Variants in TUBA1A observed in about 807,000 individuals in gnomAD.
TUBA1A encodes tubulin alpha 1a.
TUBA1A carries 7 observed loss-of-function variants against 34.6 expected under a neutral mutation model. The observed-to-expected ratio is 0.20, with a 90% CI of 0.11 to 0.38. The LOEUF (loss-of-function observed/expected upper bound fraction) is 0.38. Among genes scored for constraint, TUBA1A ranks in the 10% least tolerant of loss-of-function variants. The probability of loss-of-function intolerance (pLI) is 1.00; values close to 1 mark genes in which losing one functional copy is unlikely to be tolerated. For synonymous variants in TUBA1A, 193 were observed against 210.2 expected (o/e 0.92, Z 0.71); for missense variants, 19 against 581.3 (o/e 0.03, Z 9.95).
Position 49,188,219 on chromosome 12 carries a change from G to A in TUBA1A, c.3+758C>T, listed in dbSNP as rs1942206691. The A allele has an allele frequency of 1.0e-6, 1 of 985,088 alleles. No individual in the cohort carries two copies. The allele number at this position is 985,088 out of a possible 1,614,324, so 61.0% of individuals were successfully genotyped here. A position where few individuals can be genotyped will look rare whatever the true frequency, so the allele number is the denominator to read the frequency against. ...AAAAAGTCATCTAACTTATAATAGT[G>A]AAGAAAACCCTTTTGGAGCCTACAG... On this transcript the variant is annotated intron_variant, in intron 1 of 3. Coordinates refer to ENST00000301071, the MANE Select transcript of TUBA1A (RefSeq NM_006009.4). This position sits in a 1 kb window ranked among gnomAD's most constrained non-coding sequence, Gnocchi z 4.9.
chr12:49,187,753 T>C, intron 1 of TUBA1A: 1 of 983,650 alleles, frequency 1.0e-6, no homozygotes, highest in Non-Finnish European at 1.2e-6. Flanking sequence ...GGAAGGATAA[T>C]GAAATATTTA....
chr12:49,187,551 C>T, intron 1 of TUBA1A: 1 of 985,106 alleles, frequency 1.0e-6, no homozygotes, highest in Non-Finnish European at 1.2e-6. Flanking sequence ...CAAAAGACAA[C>T]GGGATGCGGA....
Position 49,188,682 on chromosome 12 carries a change from C to G in TUBA1A, c.3+295G>C, listed in dbSNP as rs1942214219. 2.1e-6 allele frequency: 3 copies of G among 1,437,450 alleles called. No homozygotes were observed. The highest frequency in any genetic ancestry group is 2.7e-6 in the Non-Finnish European group (3 of 1,102,848). 89.0% of individuals were successfully genotyped at this position (1,437,450 alleles called of 1,614,324 possible). On this transcript the variant is annotated intron_variant, in intron 1 of 3. Transcript: ENST00000301071. This position sits in a 1 kb window ranked among gnomAD's most constrained non-coding sequence, Gnocchi z 4.9. ...GACGCCCCAGACCCCTCGGTCGCGG[C>G]AGACGGGCTGCCCGCGGCCCCCGAA...
Position 49,188,573 on chromosome 12 carries a change from C to T in TUBA1A, c.3+404G>A. 6.8e-7 allele frequency: 1 copy of T among 1,474,548 alleles called. No homozygotes were observed. 91.3% of individuals were successfully genotyped at this position (1,474,548 alleles called of 1,614,324 possible). On this transcript the variant is annotated intron_variant, in intron 1 of 3. Transcript: ENST00000301071. This position sits in a 1 kb window ranked among gnomAD's most constrained non-coding sequence, Gnocchi z 4.9. ...GCTCTTTTTGGGTGCCTCCTCCTCT[C>T]CCGGTCCCCAGAGAACAACGCGAGA...
chr12:49,186,004 G>A lies in TUBA1A; in HGVS notation c.376-14C>T. On this transcript the variant is annotated splice_polypyrimidine_tract_variant and intron_variant, in intron 3 of 3. Coordinates refer to ENST00000301071, the MANE Select transcript of TUBA1A (RefSeq NM_006009.4). This position sits in a 1 kb window ranked among gnomAD's most constrained non-coding sequence, Gnocchi z 6.6. Reference sequence around the variant, plus strand: ...GCACTGGTCGGCCTATAACAAAAGAGAGGAACAGAGGAAAGGTTAAGTTTT... The same window carrying A: ...GCACTGGTCGGCCTATAACAAAAGAAAGGAACAGAGGAAAGGTTAAGTTTT... 1 of 1,614,092 alleles carries A rather than the reference G, an allele frequency of 6.2e-7. No individual in the cohort carries two copies. Among genetic ancestry groups the A allele is most frequent in the Non-Finnish European group, 8.5e-7 (1 of 1,180,020 alleles).
intron 1 of TUBA1A, chr12:49,187,378 C>T: frequency 9.8e-7 from 1 of 1,024,474 alleles, no homozygotes; most frequent in Non-Finnish European, 1.2e-6. Context: ...TTTGCTGTGC[C>T]TGGTGCTAGC....
Position 49,188,130 on chromosome 12 carries a change from A to G in TUBA1A, c.3+847T>C. 1.3e-5 allele frequency: 13 copies of G among 983,660 alleles called. 1 individual carries two copies. The highest frequency in any genetic ancestry group is 1.6e-5 in the Non-Finnish European group (13 of 829,708). The allele number at this position is 983,660 out of a possible 1,614,324, so 60.9% of individuals were successfully genotyped here. On this transcript the variant is annotated intron_variant, in intron 1 of 3. Coordinates refer to ENST00000301071, the MANE Select transcript of TUBA1A (RefSeq NM_006009.4). This position sits in a 1 kb window ranked among gnomAD's most constrained non-coding sequence, Gnocchi z 4.9. ...CACACACACTTCAGTCGGTCAGGGCAGGGCGTCCCCAGACCAGACATTAAA... is the reference window on the plus strand; with the variant it reads ...CACACACACTTCAGTCGGTCAGGGCGGGGCGTCCCCAGACCAGACATTAAA...
Position 49,188,465 on chromosome 12 carries a change from G to A in TUBA1A, c.3+512C>T, listed in dbSNP as rs1165893739. 1.3e-6 allele frequency: 2 copies of A among 1,535,430 alleles called. No individual in the cohort carries two copies. The highest frequency in any genetic ancestry group is 2.5e-5 in the East Asian group (1 of 40,814). On this transcript the variant is annotated intron_variant, in intron 1 of 3. Coordinates refer to ENST00000301071, the MANE Select transcript of TUBA1A (RefSeq NM_006009.4). This position sits in a 1 kb window ranked among gnomAD's most constrained non-coding sequence, Gnocchi z 4.9. ...GTATCTTTCCAAAACGCCAAAGACC[G>A]CGGAGGGTCTTCCCACGCTAACCCT...
intron 1 of TUBA1A, chr12:49,187,179 T>C (rs1335836393): frequency 1.1e-5 from 13 of 1,172,804 alleles, no homozygotes; most frequent in Admixed American, 4.3e-5. Flanking sequence ...TTAATTGGGA[T>C]TAATTTTACT....
intron 1 of TUBA1A, chr12:49,187,081 C>A: frequency 7.2e-7 from 1 of 1,385,304 alleles, no homozygotes; most frequent in East Asian, 2.7e-5. Context: ...TGCCTACTAC[C>A]ATGCTTGAAT....
intron 1 of TUBA1A, chr12:49,187,580 TG>T (rs1211622160): frequency 4.1e-6 from 4 of 983,348 alleles, no homozygotes; most frequent in East Asian, 1.2e-4. Context: ...CTTCTTTGTC[TG>T]TAGCAATTTC....
At chr12:49,187,422 G>A (rs1942194426) in intron 1 of TUBA1A, 2 of 988,994 alleles carry the variant, frequency 2.0e-6, no homozygotes, top group South Asian at 9.2e-5. Context: ...AACAGAGCAA[G>A]CTCTATTTCC....
At chr12:49,187,070 G>C in intron 1 of TUBA1A, 1 of 1,414,320 alleles carries the variant, frequency 7.1e-7, no homozygotes, top group Non-Finnish European at 9.2e-7. Context: ...CCAGCCCATT[G>C]TGCCTACTAC....
chr12:49,188,137 C>T lies in TUBA1A; in HGVS notation c.3+840G>A. 1.0e-6 allele frequency: 1 copy of T among 983,966 alleles called. No individual in the cohort carries two copies. The highest frequency in any genetic ancestry group is 1.2e-6 in the Non-Finnish European group (1 of 829,774). The allele number at this position is 983,966 out of a possible 1,614,324, so 61.0% of individuals were successfully genotyped here. A position where few individuals can be genotyped will look rare whatever the true frequency, so the allele number is the denominator to read the frequency against. On this transcript the variant is annotated intron_variant, in intron 1 of 3. Transcript: ENST00000301071. This position sits in a 1 kb window ranked among gnomAD's most constrained non-coding sequence, Gnocchi z 4.9. ...ACTTCAGTCGGTCAGGGCAGGGCGT[C>T]CCCAGACCAGACATTAAAGAGCTTG...
rs1396636866 is a variant in TUBA1A at position 49,188,193 on chromosome 12, A to T, written c.3+784T>A. ...TGAATTATGATTTTGCTCAAGAAAA[A>T]AAAAAGTCATCTAACTTATAATAGT... On this transcript the variant is annotated intron_variant, in intron 1 of 3. Coordinates refer to ENST00000301071, the MANE Select transcript of TUBA1A (RefSeq NM_006009.4). This position sits in a 1 kb window ranked among gnomAD's most constrained non-coding sequence, Gnocchi z 4.9. 1 of 985,302 alleles carries T rather than the reference A, an allele frequency of 1.0e-6. No individual in the cohort carries two copies. 61.0% of individuals were successfully genotyped at this position (985,302 alleles called of 1,614,324 possible).
At chr12:49,187,725 A>AAACC in intron 1 of TUBA1A, 1 of 984,182 alleles carries the variant, frequency 1.0e-6, no homozygotes, top group East Asian at 1.1e-4. Flanking sequence ...AAAAGGTACC[A>AAACC]AAGAATAAAA....
At chr12:49,187,490 G>A in intron 1 of TUBA1A, 1 of 986,028 alleles carries the variant, frequency 1.0e-6, no homozygotes, top group South Asian at 4.7e-5. Context: ...CTCTGACCCC[G>A]CCCGGGACCA....
chr12:49,185,775 G>A lies in TUBA1A; in HGVS notation c.591C>T (p.His197=), dbSNP rs746486977. ...TGTCTACCATGAAGGCACAATCAGA[G>A]TGCTCCAGGGTGGTGTGGGTGGTGA... The part of the protein sequence containing the change: ...SILTTHTTLE[H]SDCAFMVDNE... Residue 197 remains histidine (H), a synonymous_variant, in exon 4 of 4, where the codon CAC becomes CAT. Transcript: ENST00000301071. 5 of 1,613,960 alleles carry A rather than the reference G, an allele frequency of 3.1e-6. No individual in the cohort carries two copies. Among genetic ancestry groups the A allele is most frequent in the Admixed American group, 1.7e-5 (1 of 60,008 alleles).
rs35097794 is a variant in TUBA1A, at chr12:49,188,077, G to GACACACACACACACACACACACACAC, written c.3+874_3+899dup. 3.5e-6 allele frequency: 3 copies of GACACACACACACACACACACACACAC among 853,014 alleles called. No homozygotes were observed. Among genetic ancestry groups the GACACACACACACACACACACACACAC allele is most frequent in the Middle Eastern group, 6.2e-4 (1 of 1,604 alleles). The allele number at this position is 853,014 out of a possible 1,614,324, so 52.8% of individuals were successfully genotyped here. The stretch of plus-strand genomic sequence containing the variant: ...GTCGGTCAGGGCAGGGCGTCCCACA[G>GACACACACACACACACACACACACAC]ACACACACACACACACACACACACA... On this transcript the variant is annotated intron_variant, in intron 1 of 3. Transcript: ENST00000301071. This position sits in a 1 kb window ranked among gnomAD's most constrained non-coding sequence, Gnocchi z 4.9.
Sources: allele counts gnomAD v4.1 joint callset, GRCh38; gene constraint gnomAD v4.1.1; non-coding constraint Gnocchi (gnomAD v3.1); transcripts MANE v1.5; gene names NCBI Gene and HGNC (gene_info 2026-07-23, HGNC 2026-07-21).